Variants in EYS observed in about 807,000 individuals in gnomAD.
The protein encoded by EYS is protein eyes shut homolog.
In EYS, 250 loss-of-function variants were observed where a neutral mutation model predicts 282.1. That is an observed-to-expected ratio of 0.89 (90% CI 0.80 to 0.98). The LOEUF (loss-of-function observed/expected upper bound fraction) is 0.98, where lower values mean the gene tolerates loss of function less well. Ranked by LOEUF, EYS falls within the 50% of genes least tolerant of loss-of-function variation. The probability of loss-of-function intolerance (pLI) is 0.00; values close to 1 mark genes in which losing one functional copy is unlikely to be tolerated. For missense variants in EYS, 4,016 were observed against 3,709.0 expected (o/e 1.08, Z -2.15); for synonymous variants, 1,355 against 1,282.9 (o/e 1.06, Z -1.20).
At chr6:64,990,416 G>A (rs1771024733) in intron 14 of EYS, among the ~76,000 whole-genome samples, 1 of 151,588 alleles carries the variant, frequency 6.6e-6, no homozygotes, top group Non-Finnish European at 1.5e-5. Flanking sequence ...GCTCAGAGAT[G>A]AGTCCCATTT....
At chr6:64,252,330 A>G (rs2150348917) in intron 30 of EYS, among the ~76,000 whole-genome samples, 1 of 152,162 alleles carries the variant, frequency 6.6e-6, no homozygotes, top group African/African-American at 2.4e-5. Flanking sequence ...CTATCTCCAC[A>G]TATTCATTCT....
chr6:64,024,892 C>T (rs187566577), intron 33 of EYS, among the ~76,000 whole-genome samples: 19 of 152,252 alleles, frequency 1.2e-4, no homozygotes, highest in Middle Eastern at 3.4e-3. Context: ...TGAGGGTCTG[C>T]GGCTTCATTC....
At chr6:65,704,242 A>G (rs1769789685) in intron 1 of EYS, among the ~76,000 whole-genome samples, 1 of 152,222 alleles carries the variant, frequency 6.6e-6, no homozygotes, top group South Asian at 2.1e-4. Flanking sequence ...CACATTACAT[A>G]CAATAGTTTA....
chr6:65,402,339 T>C (rs946958385), intron 7 of EYS, 139 bp downstream of exon 7: 7 of 505,668 alleles, frequency 1.4e-5, no homozygotes, highest in South Asian at 7.0e-5. Flanking sequence ...GCAAAAAAAA[T>C]TTACTTTAAC....
intron 19 of EYS, among the ~76,000 whole-genome samples, chr6:64,877,013 G>A (rs772171681): frequency 6.6e-6 from 1 of 152,104 alleles, no homozygotes; most frequent in Non-Finnish European, 1.5e-5. Flanking sequence ...CATCAGAAGA[G>A]GGAAGATGGA....
chr6:65,559,417 T>A (rs574053001), intron 2 of EYS, among the ~76,000 whole-genome samples: 35 of 149,246 alleles, frequency 2.3e-4, no homozygotes, highest in Admixed American at 7.3e-4. Flanking sequence ...AGAAAAAAAA[T>A]TTTTTTTGGC....
chr6:65,277,649 C>T (rs573234399), intron 12 of EYS, among the ~76,000 whole-genome samples: 4 of 152,166 alleles, frequency 2.6e-5, no homozygotes, highest in Non-Finnish European at 1.5e-5. Flanking sequence ...GGTACTTTGT[C>T]ATATGAAACC....
At chr6:64,315,576 A>G (rs906691654) in intron 29 of EYS, among the ~76,000 whole-genome samples, 2 of 151,808 alleles carry the variant, frequency 1.3e-5, no homozygotes, top group African/African-American at 4.8e-5. Flanking sequence ...ACCACGATCA[A>G]GTCAGCTTCA....
Position 64,591,857 on chromosome 6 carries a change from T to A in EYS, c.4010A>T (p.His1337Leu). The A allele has an allele frequency of 2.6e-6, 4 of 1,551,256 alleles. No individual in the cohort carries two copies. Among genetic ancestry groups the A allele is most frequent in the Non-Finnish European group, 3.5e-6 (4 of 1,146,686 alleles). ...LIVTRELSAK[H>L]SLLSSADVSS... is the part of the protein sequence containing the mutation. Reference sequence around the variant, plus strand: ...AACATCTGCGGAAGAAAGAAGACTGTGTTTTGCTGAAAGCTCTCTAGTGAC... The same window carrying A: ...AACATCTGCGGAAGAAAGAAGACTGAGTTTTGCTGAAAGCTCTCTAGTGAC... Residue 1337 changes from histidine to leucine, a missense_variant, in exon 26 of 43, where the codon CAC becomes CTC. Physicochemically the swap from His to Leu is moderately conservative, Grantham distance 99. Transcript: ENST00000503581.
At chr6:64,912,250 C>G (rs1768020861) in intron 16 of EYS, among the ~76,000 whole-genome samples, 1 of 151,856 alleles carries the variant, frequency 6.6e-6, no homozygotes, top group Non-Finnish European at 1.5e-5. Context: ...GGCCAAAAAG[C>G]TATAAAGCTT....
At chr6:65,182,913 T>C (rs945233213) in intron 12 of EYS, among the ~76,000 whole-genome samples, 4 of 151,810 alleles carry the variant, frequency 2.6e-5, no homozygotes, top group African/African-American at 9.7e-5. Context: ...CCCAGCCTCT[T>C]AAGTAGCTGG....
chr6:65,458,902 C>T (rs924775810), intron 5 of EYS, among the ~76,000 whole-genome samples: 1 of 151,840 alleles, frequency 6.6e-6, no homozygotes, highest in Non-Finnish European at 1.5e-5. Context: ...AGCCTAATAG[C>T]ATATATATAT....
chr6:63,833,306 A>C (rs1271245507), intron 36 of EYS, among the ~76,000 whole-genome samples: 1 of 152,192 alleles, frequency 6.6e-6, no homozygotes, highest in African/African-American at 2.4e-5. Flanking sequence ...ATGATTGTAT[A>C]TTTAGAAAAC....
intron 2 of EYS, among the ~76,000 whole-genome samples, chr6:65,620,038 G>A (rs1442214930): frequency 6.6e-6 from 1 of 152,124 alleles, no homozygotes; most frequent in Non-Finnish European, 1.5e-5. Context: ...GTCTCTGCCA[G>A]GCTTTGGTAT....
intron 16 of EYS, among the ~76,000 whole-genome samples, chr6:64,912,249 G>C (rs1301645668): frequency 6.6e-6 from 1 of 151,826 alleles, no homozygotes; most frequent in African/African-American, 2.4e-5. Flanking sequence ...GGGCCAAAAA[G>C]CTATAAAGCT....
chr6:64,358,608 G>A (rs2150407394), intron 29 of EYS, among the ~76,000 whole-genome samples: 1 of 151,686 alleles, frequency 6.6e-6, no homozygotes, highest in Middle Eastern at 3.4e-3. Context: ...TGGACTATTG[G>A]AAGTTGGCTC....
chr6:64,444,314 T>C (rs547138284), intron 26 of EYS, among the ~76,000 whole-genome samples: 102 of 152,350 alleles, frequency 6.7e-4, no homozygotes, highest in Non-Finnish European at 1.8e-4. Flanking sequence ...TAAAAGTGTG[T>C]TGACCTTGAT....
chr6:65,217,542 C>T (rs1464042951), intron 12 of EYS, among the ~76,000 whole-genome samples: 1 of 151,900 alleles, frequency 6.6e-6, no homozygotes, highest in Non-Finnish European at 1.5e-5. Context: ...AGACCTGAAA[C>T]CAGATGATGA....
At chr6:63,842,267 A>G (rs1294081442) in intron 36 of EYS, among the ~76,000 whole-genome samples, 1 of 152,184 alleles carries the variant, frequency 6.6e-6, no homozygotes, top group South Asian at 2.1e-4. Context: ...CCTCTCCAGC[A>G]TCTGTTGTTT....
Sources: gnomAD v4.1 joint callset for allele counts (sites outside exome capture counted in the v4.1 genomes callset) on GRCh38, gnomAD v4.1.1 for gene constraint, MANE v1.5 for transcripts, NCBI Gene and HGNC (gene_info 2026-07-23, HGNC 2026-07-21) for gene names.